PDAP1: variants seen among roughly 807,000 people sequenced by gnomAD.
PDAP1 encodes PDGFA associated protein 1.
In PDAP1, 13 loss-of-function variants were observed where a neutral mutation model predicts 28.0. The observed-to-expected ratio is 0.46, with a 90% CI of 0.30 to 0.74. The LOEUF is 0.74. Among genes scored for constraint, PDAP1 ranks in the 30% least tolerant of loss-of-function variants. The probability of loss-of-function intolerance (pLI) is 0.07; values close to 1 mark genes in which losing one functional copy is unlikely to be tolerated. For synonymous variants in PDAP1, 77 were observed against 85.1 expected (o/e 0.91, Z 0.52); for missense variants, 150 against 230.0 (o/e 0.65, Z 2.25).
At chr7:99,401,317 C>T (rs1562823636) in intron 3 of PDAP1, among the ~76,000 whole-genome samples, 1 of 152,050 alleles carries the variant, frequency 6.6e-6, no homozygotes, top group Non-Finnish European at 1.5e-5. Context: ...TGTCACCATC[C>T]TAGGGCAAGC....
intron 4 of PDAP1, among the ~76,000 whole-genome samples, chr7:99,400,057 T>C (rs1794836236): frequency 6.6e-6 from 1 of 152,240 alleles, no homozygotes; most frequent in Non-Finnish European, 1.5e-5. Context: ...GGCAACCCTC[T>C]GTATCCTGCA....
chr7:99,398,093 A>G, intron 4 of PDAP1, 80 bp from the exon 5 acceptor site: 3 of 1,544,964 alleles, frequency 1.9e-6, no homozygotes, highest in Non-Finnish European at 2.7e-6. Flanking sequence ...AATAAAGGCC[A>G]AGGATTCGGC....
Position 99,394,796 on chromosome 7 carries a change from A to AT in PDAP1, c.*1885_*1886insA. ...CAACTGTGTAAAAAAAAAAAAAAAAAAAAAAGTAATTATGGACATGCTTGC... is the reference window on the plus strand; with the variant it reads ...CAACTGTGTAAAAAAAAAAAAAAAAATAAAAAGTAATTATGGACATGCTTGC... On this transcript the variant is annotated 3_prime_UTR_variant, in exon 6 of 6. Transcript: ENST00000350498. 8.1e-7 allele frequency: 1 copy of AT among 1,236,258 alleles called. No individual in the cohort carries two copies. Among genetic ancestry groups the AT allele is most frequent in the Non-Finnish European group, 1.0e-6 (1 of 991,130 alleles). 76.6% of individuals were successfully genotyped at this position (1,236,258 alleles called of 1,614,324 possible). A position where few individuals can be genotyped will look rare whatever the true frequency, so the allele number is the denominator to read the frequency against.
At position 99,395,288 on chromosome 7, in the gene PDAP1, T is replaced by A. The variant is rs568917324; in HGVS notation, c.*1394A>T. ...GCCTCAGCCTCCCAAGTAGCTGGGA[T>A]TACAGGCATACACCACCAAGCCTGG... On this transcript the variant is annotated 3_prime_UTR_variant, in exon 6 of 6. Coordinates refer to ENST00000350498, the MANE Select transcript of PDAP1 (RefSeq NM_014891.7). 6.6e-6 allele frequency: 1 copy of A among 152,414 alleles called. No individual in the cohort carries two copies. The highest frequency in any genetic ancestry group is 1.9e-4 in the East Asian group (1 of 5,192). 9.4% of individuals were successfully genotyped at this position (152,414 alleles called of 1,614,324 possible).
Position 99,402,598 on chromosome 7 carries a change from A to G in PDAP1, c.213+800T>C, listed in dbSNP as rs1344185527. Among the ~76,000 whole-genome samples, 158 of 141,320 alleles carry G rather than the reference A, an allele frequency of 1.1e-3. 1 individual carries two copies. Among genetic ancestry groups the G allele is most frequent in the South Asian group, 6.1e-3 (28 of 4,608 alleles). 92.7% of individuals were successfully genotyped at this position (141,320 alleles called of 152,430 possible). A position where few individuals can be genotyped will look rare whatever the true frequency, so the allele number is the denominator to read the frequency against. On this transcript the variant is annotated intron_variant, in intron 3 of 5. Transcript: ENST00000350498. ...CAAAAAAAAAAAAAAAAAAAAAAAA[A>G]GGGGGCTGGGCTAGTGGCTCACGCT...
At chr7:99,407,047 G>A (rs1794984363) in intron 1 of PDAP1, among the ~76,000 whole-genome samples, 1 of 152,182 alleles carries the variant, frequency 6.6e-6, no homozygotes. Flanking sequence ...ATGGGACCCT[G>A]ACCTTAGCTT....
At chr7:99,403,220 T>C (rs1335375991) in intron 3 of PDAP1, 178 bp downstream of exon 3, 2 of 596,820 alleles carry the variant, frequency 3.4e-6, no homozygotes, top group African/African-American at 1.9e-5. Context: ...TAGTAACACT[T>C]CTCATTACTT....
chr7:99,396,503 T>TCCCCCCCCCC lies in PDAP1; in HGVS notation c.*169_*178dup. 2 of 330,416 alleles carry TCCCCCCCCCC rather than the reference T, an allele frequency of 6.1e-6. No homozygotes were observed. The highest frequency in any genetic ancestry group is 3.8e-5 in the Admixed American group (1 of 26,638). The allele number at this position is 330,416 out of a possible 1,614,324, so 20.5% of individuals were successfully genotyped here. A position where few individuals can be genotyped will look rare whatever the true frequency, so the allele number is the denominator to read the frequency against. On this transcript the variant is annotated 3_prime_UTR_variant, in exon 6 of 6. Transcript: ENST00000350498. ...AAGATAGCAGCTACCCCTCCCCCAG[T>TCCCCCCCCCC]CCCCCCCCCCATCCCCCAAACAATT... is the stretch of plus-strand genomic sequence containing the variant.
intron 1 of PDAP1, among the ~76,000 whole-genome samples, chr7:99,405,858 C>T (rs1488449110): frequency 1.3e-5 from 2 of 152,210 alleles, no homozygotes; most frequent in Non-Finnish European, 2.9e-5. Context: ...GTTTCCTCAT[C>T]TGTGTCCCTA....
intron 4 of PDAP1, among the ~76,000 whole-genome samples, chr7:99,399,597 T>C (rs949105949): frequency 1.1e-4 from 16 of 152,158 alleles, no homozygotes; most frequent in Admixed American, 4.6e-4. Context: ...GAAGGGTCCT[T>C]AGCAGCTGCA....
At chr7:99,407,421 G>A (rs988992649) in intron 1 of PDAP1, among the ~76,000 whole-genome samples, 2 of 152,210 alleles carry the variant, frequency 1.3e-5, no homozygotes, top group African/African-American at 2.4e-5. Flanking sequence ...TCCAGCCACA[G>A]AATAAATCAG....
At chr7:99,399,757 C>T (rs1359252147) in intron 4 of PDAP1, among the ~76,000 whole-genome samples, 1 of 152,210 alleles carries the variant, frequency 6.6e-6, no homozygotes, top group Non-Finnish European at 1.5e-5. Flanking sequence ...AAAGTCAGGG[C>T]ACCAGTCAAG....
At chr7:99,406,210 T>G (rs2150908259) in intron 1 of PDAP1, among the ~76,000 whole-genome samples, 1 of 152,130 alleles carries the variant, frequency 6.6e-6, no homozygotes, top group Non-Finnish European at 1.5e-5. Flanking sequence ...ATTGAGCCAC[T>G]GCACTCCAGC....
chr7:99,401,330 C>T (rs989707581), intron 3 of PDAP1, among the ~76,000 whole-genome samples: 7 of 151,350 alleles, frequency 4.6e-5, no homozygotes, highest in Non-Finnish European at 1.5e-5. Flanking sequence ...GGGCAAGCCA[C>T]GATTTTTTTT....
At chr7:99,404,149 A>T (rs1276830007) in intron 2 of PDAP1, among the ~76,000 whole-genome samples, 2 of 151,312 alleles carry the variant, frequency 1.3e-5, no homozygotes, top group African/African-American at 4.9e-5. Context: ...TCCCCCAAGG[A>T]CCCCTCCCAG....
At chr7:99,397,730 G>C in intron 5 of PDAP1, 132 bp downstream of exon 5, 1 of 1,130,256 alleles carries the variant, frequency 8.8e-7, no homozygotes, top group South Asian at 1.5e-5. Flanking sequence ...GCCCTCTCCT[G>C]AACGACCTCC....
intron 2 of PDAP1, 74 bp from the exon 3 acceptor site, chr7:99,403,579 C>A: frequency 1.1e-6 from 1 of 949,494 alleles, no homozygotes; most frequent in East Asian, 2.4e-5. Context: ...CTATCACCCC[C>A]CAGACTGTGG....
At chr7:99,399,924 T>C (rs901289576) in intron 4 of PDAP1, among the ~76,000 whole-genome samples, 1 of 152,194 alleles carries the variant, frequency 6.6e-6, no homozygotes, top group East Asian at 1.9e-4. Context: ...CGGCACAGGC[T>C]CGCAGCCCCC....
intron 1 of PDAP1, among the ~76,000 whole-genome samples, chr7:99,407,304 A>G (rs1584424127): frequency 6.6e-6 from 1 of 152,154 alleles, no homozygotes; most frequent in South Asian, 2.1e-4. Context: ...GTAACCTCCA[A>G]CCTTTACCCA....
Sources: allele counts gnomAD v4.1 joint callset (sites outside exome capture counted in the v4.1 genomes callset), GRCh38; gene constraint gnomAD v4.1.1; transcripts MANE v1.5; gene names NCBI Gene and HGNC (gene_info 2026-07-23, HGNC 2026-07-21).